TRIM64B: variants seen among roughly 807,000 people sequenced by gnomAD.
TRIM64B encodes tripartite motif containing 64B.
For synonymous variants in TRIM64B, 17 were observed against 190.3 expected (o/e 0.09, Z 7.50); for missense variants, 57 against 536.4 (o/e 0.11, Z 8.83).
upstream of TRIM64B, among the ~76,000 whole-genome samples, chr11:89,876,601 A>G (rs1280894703): frequency 6.7e-6 from 1 of 149,442 alleles, no homozygotes; most frequent in Non-Finnish European, 1.5e-5. Flanking sequence ...ACGTGCCTGT[A>G]GTCCCAGCTA....
At chr11:89,874,184 C>T (rs1221517060) in exon 3 of TRIM64B, 1 of 1,539,838 alleles carries the variant, frequency 6.5e-7, no homozygotes, top group Non-Finnish European at 8.7e-7. Context: ...CTTCTCTTTC[C>T]AGTGCCTGCA....
At chr11:89,877,623 T>G (rs1950173505), upstream of TRIM64B, among the ~76,000 whole-genome samples, 1 of 148,824 alleles carries the variant, frequency 6.7e-6, no homozygotes, top group Admixed American at 6.7e-5. Flanking sequence ...TTTTTTTTTT[T>G]TTGTTGCTGT....
At chr11:89,876,311 C>G (rs1309766737), upstream of TRIM64B, among the ~76,000 whole-genome samples, 2 of 144,466 alleles carry the variant, frequency 1.4e-5, no homozygotes, top group East Asian at 2.0e-4. Flanking sequence ...TGTATGTAAC[C>G]TAAACCTATC....
At chr11:89,877,713 A>G (rs1950174185), upstream of TRIM64B, among the ~76,000 whole-genome samples, 1 of 148,702 alleles carries the variant, frequency 6.7e-6, no homozygotes, top group Admixed American at 6.7e-5. Context: ...TCCACCTCCC[A>G]GGTTCAAACA....
At chr11:89,876,740 A>AG (rs1555095598), upstream of TRIM64B, among the ~76,000 whole-genome samples, 75 of 149,246 alleles carry the variant, frequency 5.0e-4, 2 homozygotes, top group African/African-American at 1.6e-3. Context: ...AAAAAAAAAA[A>AG]GTACATATTC....
chr11:89,873,042 G>T (rs1164850112), intron 4 of TRIM64B, among the ~76,000 whole-genome samples: 1 of 151,968 alleles, frequency 6.6e-6, no homozygotes, highest in Non-Finnish European at 1.5e-5. Flanking sequence ...GGATGGACTG[G>T]GAAGAACAAA....
chr11:89,875,277 C>CT (rs1417271645), intron 1 of TRIM64B, among the ~76,000 whole-genome samples: 1 of 152,252 alleles, frequency 6.6e-6, no homozygotes, highest in Non-Finnish European at 1.5e-5. Flanking sequence ...TTAAGGGACC[C>CT]TTCAGATAAT....
intron 5 of TRIM64B, among the ~76,000 whole-genome samples, chr11:89,871,402 T>C (rs1447281415): frequency 3.9e-5 from 6 of 152,232 alleles, no homozygotes; most frequent in African/African-American, 1.4e-4. Flanking sequence ...CAAAATGTTT[T>C]TTTTTCTTCA....
In TRIM64B at chr11:89,872,745, A is replaced by G. The variant is rs183496347; in HGVS notation, c.759-433T>C. 7.4e-4 allele frequency among the ~76,000 whole-genome samples: 113 copies of G among 151,886 alleles called. 12 individuals carry two copies. The highest frequency in any genetic ancestry group is 2.3e-3 in the African/African-American group (96 of 41,136). ...AGGCTTTAATCTTTTGTGCAAAACA[A>G]AGGAGTCTAATTCCAGCCTGAGAAC... On this transcript the variant is annotated intron_variant, in intron 4 of 5. Coordinates refer to ENST00000329862, the Ensembl canonical transcript of TRIM64B.
chr11:89,876,326 T>C (rs1950163235), upstream of TRIM64B, among the ~76,000 whole-genome samples: 1 of 145,812 alleles, frequency 6.9e-6, no homozygotes, highest in East Asian at 2.0e-4. Context: ...CCTATCCTCC[T>C]GAATACTTTA....
At chr11:89,871,498 G>GTGAGTATTTATTGGAA in intron 5 of TRIM64B, among the ~76,000 whole-genome samples, 5 of 151,936 alleles carry the variant, frequency 3.3e-5, no homozygotes, top group African/African-American at 1.2e-4. Flanking sequence ...TTATTGGAAT[G>GTGAGTATTTATTGGAA]TAAGTTATGC....
chr11:89,873,113 C>G (rs1473952319), intron 4 of TRIM64B, among the ~76,000 whole-genome samples, 155 bp downstream of exon 5: 40 of 152,220 alleles, frequency 2.6e-4, no homozygotes, highest in South Asian at 6.2e-4. Context: ...AAGATGAAAA[C>G]TTTCCAGACC....
intron 1 of TRIM64B, among the ~76,000 whole-genome samples, 171 bp downstream of exon 2, chr11:89,875,438 TA>T (rs1409974034): frequency 5.3e-5 from 8 of 152,300 alleles, no homozygotes; most frequent in Non-Finnish European, 7.3e-5. Context: ...CAGCTATGAT[TA>T]GAGTGCCAAA....
intron 4 of TRIM64B, among the ~76,000 whole-genome samples, chr11:89,872,830 A>G (rs141702218): frequency 6.6e-6 from 1 of 150,958 alleles, no homozygotes; most frequent in South Asian, 2.1e-4. Flanking sequence ...AACTGGGTGT[A>G]TGGTGATGGA....
chr11:89,877,662 C>CTT (rs1950173885), upstream of TRIM64B, among the ~76,000 whole-genome samples: 1 of 148,800 alleles, frequency 6.7e-6, no homozygotes, highest in African/African-American at 2.4e-5. Context: ...CTCTGTTACG[C>CTT]AGGCTGGAGT....
upstream of TRIM64B, among the ~76,000 whole-genome samples, chr11:89,877,841 C>G (rs1265079477): frequency 1.3e-5 from 2 of 149,412 alleles, no homozygotes; most frequent in Non-Finnish European, 3.0e-5. Flanking sequence ...AGGCTGGTGT[C>G]TAACTCTAGA....
At chr11:89,877,510 T>A (rs1590887653), upstream of TRIM64B, among the ~76,000 whole-genome samples, 1 of 147,948 alleles carries the variant, frequency 6.8e-6, no homozygotes, top group Admixed American at 6.8e-5. Flanking sequence ...TGGCCGCCAA[T>A]TCACCTTTCG....
At chr11:89,877,705 C>T (rs1950174132), upstream of TRIM64B, among the ~76,000 whole-genome samples, 1 of 149,344 alleles carries the variant, frequency 6.7e-6, no homozygotes, top group Admixed American at 6.7e-5. Context: ...CTGCAAGCTC[C>T]ACCTCCCAGG....
chr11:89,874,064 G>A (rs747919907), exon 3 of TRIM64B: 70 of 1,549,566 alleles, frequency 4.5e-5, no homozygotes, highest in African/African-American at 1.8e-4. Context: ...GCAGCACCAC[G>A]TCAGGCATGT....
Sources: allele counts gnomAD v4.1 joint callset (sites outside exome capture counted in the v4.1 genomes callset), GRCh38; gene constraint gnomAD v4.1.1; transcripts MANE v1.5; gene names NCBI Gene and HGNC (gene_info 2026-07-23, HGNC 2026-07-21).